Variants in IMPG1 observed in about 807,000 individuals in gnomAD.
IMPG1 encodes interphotoreceptor matrix proteoglycan 1.
In IMPG1, 85 loss-of-function variants were observed where a neutral mutation model predicts 92.0. The ratio of observed to expected loss-of-function variants is 0.92; its 90% CI spans 0.78 to 1.11. The LOEUF (loss-of-function observed/expected upper bound fraction) is 1.11, where lower values mean the gene tolerates loss of function less well. Ranked by LOEUF, IMPG1 falls within the 50% of genes least tolerant of loss-of-function variation. The pLI is 0.00. For missense variants in IMPG1, 1,022 were observed against 956.0 expected (o/e 1.07, Z -0.91); for synonymous variants, 367 against 334.1 (o/e 1.10, Z -1.08).
rs79214790 is a variant in IMPG1, at chr6:75,939,888, C to T, written c.2044+7426G>A. ...GTAGACAGCCTGTGCTGACGTTGTC[C>T]GTTTCCATTTCATTCTAGCCTCACT... is the stretch of plus-strand genomic sequence containing the variant. On this transcript the variant is annotated intron_variant, in intron 14 of 16. Coordinates refer to ENST00000369950, the MANE Select transcript of IMPG1 (RefSeq NM_001563.4). Among the ~76,000 whole-genome samples, 1,170 of 152,268 alleles carry T rather than the reference C, an allele frequency of 7.7e-3. 16 individuals are homozygous for T. The highest frequency in any genetic ancestry group is 0.026 in the African/African-American group (1,078 of 41,546).
At chr6:76,059,670 C>G (rs1298080304) in intron 1 of IMPG1, among the ~76,000 whole-genome samples, 2 of 152,184 alleles carry the variant, frequency 1.3e-5, no homozygotes, top group African/African-American at 4.8e-5. Context: ...GGATACAGGT[C>G]ACATCCCAAC....
intron 14 of IMPG1, among the ~76,000 whole-genome samples, chr6:75,945,721 TG>T (rs1781916101): frequency 6.6e-6 from 1 of 152,220 alleles, no homozygotes; most frequent in Non-Finnish European, 1.5e-5. Flanking sequence ...CATTTAGGGC[TG>T]GGGATCCCCA....
In IMPG1 at chr6:76,054,673, A is replaced by T. The variant is rs141616948; in HGVS notation, c.68-12547T>A. Among the ~76,000 whole-genome samples the T allele has an allele frequency of 3.0e-3, 457 of 152,246 alleles. 3 individuals are homozygous for T. The highest frequency in any genetic ancestry group is 0.011 in the African/African-American group (449 of 41,552). On this transcript the variant is annotated intron_variant, in intron 1 of 16. Transcript: ENST00000369950. ...CTGGGAGATGGGTGAGATTTGTCTC[A>T]TCTGCTGCTTTCTGTGTGTTAATAC...
chr6:76,000,531 A>T (rs868533085), intron 12 of IMPG1, among the ~76,000 whole-genome samples: 5 of 152,182 alleles, frequency 3.3e-5, no homozygotes, highest in African/African-American at 7.2e-5. Context: ...AAGCAAAATT[A>T]AAAAAATTTA....
At chr6:75,990,391 T>G (rs1212612751) in intron 12 of IMPG1, among the ~76,000 whole-genome samples, 1 of 152,168 alleles carries the variant, frequency 6.6e-6, no homozygotes, top group Non-Finnish European at 1.5e-5. Flanking sequence ...CTCTTATCTT[T>G]TGGTTTACTC....
At chr6:75,978,206 C>T (rs908170780) in intron 12 of IMPG1, among the ~76,000 whole-genome samples, 2 of 152,080 alleles carry the variant, frequency 1.3e-5, no homozygotes, top group Non-Finnish European at 2.9e-5. Context: ...ACTTAATACT[C>T]GAAAACCTTT....
rs570256523 is a variant in IMPG1, at chr6:75,925,537, GAGGTTGAGGCC to G, written c.2244-1842_2244-1832del. On this transcript the variant is annotated intron_variant, in intron 15 of 16. Transcript: ENST00000369950. ...GAGAGGAGGAAAAATATAGTTTAAG[GAGGTTGAGGCC>G]AGGTGCGGTGGCTCATACCTATAAT... Among the ~76,000 whole-genome samples, 33 of 152,228 alleles carry G rather than the reference GAGGTTGAGGCC, an allele frequency of 2.2e-4. No individual in the cohort carries two copies. In the South Asian group the frequency reaches 6.6e-3, roughly 31 times the overall value.
Position 75,991,996 on chromosome 6 carries a change from G to C in IMPG1, c.1291+10922C>G, listed in dbSNP as rs373956132. On this transcript the variant is annotated intron_variant, in intron 12 of 16. Transcript: ENST00000369950. ...TATTATTGTATATGTTTCTGTGAAGGTATTTTAAAAGATGAGATTAACATT... is the reference window on the plus strand; with the variant it reads ...TATTATTGTATATGTTTCTGTGAAGCTATTTTAAAAGATGAGATTAACATT... Among the ~76,000 whole-genome samples, 141 of 152,320 alleles carry C rather than the reference G, an allele frequency of 9.3e-4. 1 individual carries two copies. The highest frequency in any genetic ancestry group is 3.2e-3 in the African/African-American group (132 of 41,580).
intron 2 of IMPG1, among the ~76,000 whole-genome samples, chr6:76,035,474 G>C (rs1321813945): frequency 2.9e-5 from 4 of 135,644 alleles, no homozygotes; most frequent in Non-Finnish European, 6.1e-5. Flanking sequence ...ACTCCAGCCT[G>C]GGCAACAAGA....
intron 1 of IMPG1, among the ~76,000 whole-genome samples, chr6:76,069,935 C>A (rs1262520216): frequency 6.6e-6 from 1 of 152,016 alleles, no homozygotes; most frequent in Non-Finnish European, 1.5e-5. Context: ...AACACTGGGT[C>A]CCCATGGACA....
intron 14 of IMPG1, among the ~76,000 whole-genome samples, chr6:75,933,086 A>G (rs1236070547): frequency 4.6e-5 from 7 of 152,210 alleles, no homozygotes; most frequent in South Asian, 2.1e-4. Flanking sequence ...GATTTGATCA[A>G]TAATAATCTA....
intron 12 of IMPG1, among the ~76,000 whole-genome samples, chr6:75,971,624 A>G (rs1240808438): frequency 6.6e-6 from 1 of 152,204 alleles, no homozygotes. Context: ...TTTGAGAAAT[A>G]TACTTTACAA....
At chr6:75,984,457 C>T (rs960414143) in intron 12 of IMPG1, among the ~76,000 whole-genome samples, 13 of 151,992 alleles carry the variant, frequency 8.6e-5, no homozygotes, top group Non-Finnish European at 1.9e-4. Context: ...GGAAATAAGC[C>T]GGGCACAGAA....
intron 6 of IMPG1, among the ~76,000 whole-genome samples, chr6:76,021,731 A>G (rs1337344565): frequency 7.5e-6 from 1 of 133,874 alleles, no homozygotes; most frequent in Non-Finnish European, 1.6e-5. Flanking sequence ...GTGGTGAAAG[A>G]GCTTCATGAT....
intron 13 of IMPG1, among the ~76,000 whole-genome samples, chr6:75,948,424 C>T (rs968464439): frequency 2.0e-5 from 3 of 152,108 alleles, no homozygotes; most frequent in African/African-American, 4.8e-5. Flanking sequence ...ATGCAAGCGC[C>T]GACCTCCTAG....
chr6:75,948,559 A>G (rs1781970008), intron 13 of IMPG1, among the ~76,000 whole-genome samples: 1 of 152,152 alleles, frequency 6.6e-6, no homozygotes, highest in African/African-American at 2.4e-5. Flanking sequence ...GAAATTTTAA[A>G]CAAATCGTGG....
Position 75,974,416 on chromosome 6 carries a change from C to CCTTCCTTG in IMPG1, c.1292-23323_1292-23322insCAAGGAAG, listed in dbSNP as rs1562354986. 1.4e-3 allele frequency among the ~76,000 whole-genome samples: 180 copies of CCTTCCTTG among 131,140 alleles called. 1 individual carries two copies. The highest frequency in any genetic ancestry group is 6.1e-3 in the Admixed American group (70 of 11,552). The allele number at this position is 131,140 out of a possible 152,430, so 86.0% of individuals were successfully genotyped here. A position where few individuals can be genotyped will look rare whatever the true frequency, so the allele number is the denominator to read the frequency against. Reference sequence around the variant, plus strand: ...CTTTTCTTTCTTTCCTTCCTTCCTTCCTTCCTTCCTTGCTTCCTTCCTTCC... The same window carrying CCTTCCTTG: ...CTTTTCTTTCTTTCCTTCCTTCCTTCCTTCCTTGCTTCCTTCCTTGCTTCCTTCCTTCC... On this transcript the variant is annotated intron_variant, in intron 12 of 16. Transcript: ENST00000369950.
intron 12 of IMPG1, among the ~76,000 whole-genome samples, chr6:75,951,686 T>C (rs1782034237): frequency 1.3e-5 from 2 of 152,220 alleles, no homozygotes; most frequent in Non-Finnish European, 2.9e-5. Context: ...GAATAGCTTG[T>C]CAATTTGCAA....
chr6:75,976,951 AT>A (rs1224402716), intron 12 of IMPG1, among the ~76,000 whole-genome samples: 2 of 151,808 alleles, frequency 1.3e-5, no homozygotes, highest in Non-Finnish European at 2.9e-5. Context: ...TCAGAATGTC[AT>A]CAATTAAAGT....
Sources: gnomAD v4.1 joint callset for allele counts (sites outside exome capture counted in the v4.1 genomes callset) on GRCh38, gnomAD v4.1.1 for gene constraint, MANE v1.5 for transcripts, NCBI Gene and HGNC (gene_info 2026-07-23, HGNC 2026-07-21) for gene names.